Variants in P4HA1 observed in about 807,000 individuals in gnomAD.
The protein encoded by P4HA1 is prolyl 4-hydroxylase subunit alpha 1, also known as prolyl 4-hydroxylase subunit alpha-1.
A neutral mutation model predicts 72.8 loss-of-function variants in P4HA1; 24 were observed. The observed-to-expected ratio is 0.33, with a 90% confidence interval of 0.24 to 0.46. P4HA1 has a LOEUF of 0.46. Among genes scored for constraint, P4HA1 ranks in the 20% least tolerant of loss-of-function variants. The pLI is 1.00. For missense variants in P4HA1, 446 were observed against 640.6 expected (o/e 0.70, Z 3.28); for synonymous variants, 201 against 218.8 (o/e 0.92, Z 0.72).
chr10:73,019,309 A>G (rs898663157), intron 10 of P4HA1, among the ~76,000 whole-genome samples: 1 of 152,192 alleles, frequency 6.6e-6, no homozygotes, highest in Non-Finnish European at 1.5e-5. Context: ...GGAAAGTTTA[A>G]AAGAGCCAAT....
chr10:73,031,920 A>C (rs1196157478), intron 9 of P4HA1, among the ~76,000 whole-genome samples: 1 of 152,166 alleles, frequency 6.6e-6, no homozygotes, highest in Admixed American at 6.5e-5. Context: ...TCCATAGTTC[A>C]TCATTTTAAC....
intron 5 of P4HA1, 67 bp from the exon 6 acceptor site, chr10:73,053,657 C>CA: frequency 7.2e-7 from 1 of 1,392,144 alleles, no homozygotes; most frequent in Non-Finnish European, 9.9e-7. Flanking sequence ...TAGGACTACA[C>CA]AGCTTTCAAA....
intron 1 of P4HA1, among the ~76,000 whole-genome samples, chr10:73,076,188 T>G (rs1311046433): frequency 6.6e-6 from 1 of 152,156 alleles, no homozygotes; most frequent in African/African-American, 2.4e-5. Flanking sequence ...AATTATAAGG[T>G]ATATGAATTA....
At chr10:73,062,493 A>G (rs889907894) in intron 5 of P4HA1, among the ~76,000 whole-genome samples, 2 of 152,192 alleles carry the variant, frequency 1.3e-5, no homozygotes, top group African/African-American at 4.8e-5. Context: ...TTATACTAGT[A>G]TAATATTGTA....
chr10:73,068,781 G>C, intron 5 of P4HA1, 65 bp downstream of exon 5: 1 of 1,269,694 alleles, frequency 7.9e-7, no homozygotes, highest in Non-Finnish European at 1.1e-6. Flanking sequence ...TACTAACATT[G>C]TGTTAATGGA....
chr10:73,021,148 C>CAA (rs112683538), intron 10 of P4HA1, among the ~76,000 whole-genome samples: 1 of 151,628 alleles, frequency 6.6e-6, no homozygotes, highest in South Asian at 2.1e-4. Flanking sequence ...AAAAAACAAA[C>CAA]AAAAAAACCC....
chr10:73,093,591 C>A (rs1255898855), intron 1 of P4HA1, among the ~76,000 whole-genome samples: 1 of 151,620 alleles, frequency 6.6e-6, no homozygotes, highest in Non-Finnish European at 1.5e-5. Flanking sequence ...CACCTGTAAT[C>A]CCAGCACTTT....
intron 5 of P4HA1, among the ~76,000 whole-genome samples, chr10:73,056,407 G>C (rs766972362): frequency 6.6e-6 from 1 of 152,024 alleles, no homozygotes; most frequent in African/African-American, 2.4e-5. Flanking sequence ...CGAGGCAGGC[G>C]GATCACCTGA....
chr10:73,008,769 A>G (rs1434147531), intron 14 of P4HA1, among the ~76,000 whole-genome samples: 1 of 152,170 alleles, frequency 6.6e-6, no homozygotes, highest in African/African-American at 2.4e-5. Context: ...AGTTTCCAAA[A>G]TACCTTTAAA....
intron 10 of P4HA1, among the ~76,000 whole-genome samples, chr10:73,027,687 G>C (rs1392339290): frequency 1.5e-4 from 22 of 144,522 alleles, no homozygotes; most frequent in African/African-American, 5.6e-4. Context: ...AAGAAATAAA[G>C]AGGGTGGGAG....
At chr10:73,023,135 AATACAGAGAACACCACAAAG>A (rs1840176008) in intron 10 of P4HA1, among the ~76,000 whole-genome samples, 2 of 152,300 alleles carry the variant, frequency 1.3e-5, no homozygotes, top group African/African-American at 4.8e-5. Flanking sequence ...CAAATTCAGA[AATACAGAGAACACCACAAAG>A]ATACTTCTCG....
rs763725805 is a variant in P4HA1, at chr10:73,045,072, A to G, written c.1078-21T>C. Reference sequence around the variant, plus strand: ...CTCAGCTGTGAAGCCAACCATCAAAATAGTTGCATTACAAAACAAAAAACT... The same window carrying G: ...CTCAGCTGTGAAGCCAACCATCAAAGTAGTTGCATTACAAAACAAAAAACT... On this transcript the variant is annotated intron_variant, in intron 8 of 14. Transcript: ENST00000394890. 6 of 1,606,214 alleles carry G rather than the reference A, an allele frequency of 3.7e-6. No homozygotes were observed. In the East Asian group the frequency reaches 1.3e-4, roughly 36 times the overall value.
intron 8 of P4HA1, among the ~76,000 whole-genome samples, chr10:73,045,584 G>A (rs778269371): frequency 5.6e-4 from 85 of 151,842 alleles, no homozygotes; most frequent in Non-Finnish European, 2.6e-4. Context: ...AATAATCTTG[G>A]ACTGAGAACA....
rs1461231307 is a variant in P4HA1 at position 73,047,109 on chromosome 10, T to C, written c.901-8A>G. The C allele has an allele frequency of 6.3e-7, 1 of 1,589,106 alleles. No homozygotes were observed. Among genetic ancestry groups the C allele is most frequent in the Non-Finnish European group, 8.6e-7 (1 of 1,158,090 alleles). Reference sequence around the variant, plus strand: ...TTTCTGTCTCCGAGGGGTCTAAACATAAAGTTAAGAATATGATGAATATAT... The same window carrying C: ...TTTCTGTCTCCGAGGGGTCTAAACACAAAGTTAAGAATATGATGAATATAT... On this transcript the variant is annotated splice_region_variant and splice_polypyrimidine_tract_variant and intron_variant, in intron 7 of 14. Coordinates refer to ENST00000394890, the MANE Select transcript of P4HA1 (RefSeq NM_001017962.3).
chr10:73,069,737 A>G (rs1340466776), intron 4 of P4HA1, among the ~76,000 whole-genome samples: 1 of 152,158 alleles, frequency 6.6e-6, no homozygotes, highest in Non-Finnish European at 1.5e-5. Flanking sequence ...TTTTAATATC[A>G]GTATCATTAC....
At chr10:73,045,148 C>A in intron 8 of P4HA1, 97 bp from the exon 9 acceptor site, 1 of 949,186 alleles carries the variant, frequency 1.1e-6, no homozygotes, top group Admixed American at 2.1e-5. Flanking sequence ...ACAAAGGAGG[C>A]TAAAAAGAGA....
At chr10:73,048,286 C>T (rs1227037262) in intron 7 of P4HA1, among the ~76,000 whole-genome samples, 4 of 152,112 alleles carry the variant, frequency 2.6e-5, no homozygotes, top group Non-Finnish European at 4.4e-5. Flanking sequence ...TTTGTTTAGA[C>T]AAAGTCTTGC....
intron 1 of P4HA1, among the ~76,000 whole-genome samples, chr10:73,092,754 T>A (rs2133172879): frequency 1.3e-5 from 2 of 151,862 alleles, no homozygotes; most frequent in African/African-American, 4.8e-5. Flanking sequence ...TACAGGTTGA[T>A]AAAATAAACC....
rs778133140 is a variant in P4HA1 at position 73,046,875 on chromosome 10, T to C, written c.1077+50A>G. Reference sequence around the variant, plus strand: ...ATCCTATTTTTTTACAAAGAAAAATTGATACAAAGGTACAGTAAATTGAGG... The same window carrying C: ...ATCCTATTTTTTTACAAAGAAAAATCGATACAAAGGTACAGTAAATTGAGG... On this transcript the variant is annotated intron_variant, in intron 8 of 14. Transcript: ENST00000394890. 7.7e-6 allele frequency: 10 copies of C among 1,301,910 alleles called. No individual in the cohort carries two copies. In the East Asian group the frequency reaches 2.1e-4, roughly 27 times the overall value. The allele number at this position is 1,301,910 out of a possible 1,614,324, so 80.6% of individuals were successfully genotyped here. A position where few individuals can be genotyped will look rare whatever the true frequency, so the allele number is the denominator to read the frequency against.
Sources: allele counts gnomAD v4.1 joint callset (sites outside exome capture counted in the v4.1 genomes callset), GRCh38; gene constraint gnomAD v4.1.1; transcripts MANE v1.5; gene names NCBI Gene and HGNC (gene_info 2026-07-23, HGNC 2026-07-21).